CPED1: variants seen among roughly 807,000 people sequenced by gnomAD.
The protein encoded by CPED1 is cadherin-like and PC-esterase domain-containing protein 1.
In CPED1, 114 loss-of-function variants were observed where a neutral mutation model predicts 128.2. The observed-to-expected ratio is 0.89, with a 90% CI of 0.76 to 1.04. CPED1 has a LOEUF of 1.04. Among genes scored for constraint, CPED1 ranks in the 50% least tolerant of loss-of-function variants. The pLI is 0.00. For missense variants in CPED1, 1,211 were observed against 1,207.1 expected (o/e 1.00, Z -0.05); for synonymous variants, 462 against 426.7 (o/e 1.08, Z -1.02).
At chr7:121,146,642 A>T (rs988721535) in intron 16 of CPED1, among the ~76,000 whole-genome samples, 1 of 152,306 alleles carries the variant, frequency 6.6e-6, no homozygotes, top group East Asian at 1.9e-4. Flanking sequence ...TAACATTTTG[A>T]TAAATAGTAA....
intron 7 of CPED1, among the ~76,000 whole-genome samples, chr7:121,103,389 G>A (rs1584513612): frequency 6.6e-6 from 1 of 152,268 alleles, no homozygotes. Flanking sequence ...TCAAAGTTAC[G>A]CTTGATGATA....
intron 7 of CPED1, among the ~76,000 whole-genome samples, chr7:121,110,211 A>G (rs987166108): frequency 6.6e-6 from 1 of 152,118 alleles, no homozygotes; most frequent in Admixed American, 6.6e-5. Flanking sequence ...TGCTACAAGT[A>G]TTTACCGGCT....
intron 5 of CPED1, among the ~76,000 whole-genome samples, chr7:121,069,933 C>T (rs17143137): frequency 1.3e-5 from 2 of 151,914 alleles, no homozygotes; most frequent in Non-Finnish European, 2.9e-5. Context: ...CTCATTCATT[C>T]CAGTAGTTTT....
rs116437871 is a variant in CPED1 at position 121,294,487 on chromosome 7, A to T, written c.2869-953A>T. Reference sequence around the variant, plus strand: ...TCCGTTTTCTTAGAAAGAAACATTTAAAAGGGACTTACAAACAGATGCCAT... The same window carrying T: ...TCCGTTTTCTTAGAAAGAAACATTTTAAAGGGACTTACAAACAGATGCCAT... On this transcript the variant is annotated intron_variant, in intron 22 of 22. Coordinates refer to ENST00000310396, the MANE Select transcript of CPED1 (RefSeq NM_024913.5). 3.5e-3 allele frequency among the ~76,000 whole-genome samples: 540 copies of T among 152,310 alleles called. 4 individuals carry two copies. Among genetic ancestry groups the T allele is most frequent in the African/African-American group, 0.013 (525 of 41,572 alleles).
intron 4 of CPED1, chr7:121,061,097 G>C (rs567905664): frequency 3.6e-5 from 6 of 165,886 alleles, no homozygotes; most frequent in Non-Finnish European, 7.4e-5. Flanking sequence ...GGCAAACTCC[G>C]GACACGCCGC....
intron 16 of CPED1, among the ~76,000 whole-genome samples, chr7:121,196,701 A>C (rs1797281720): frequency 6.6e-6 from 1 of 152,144 alleles, no homozygotes; most frequent in Admixed American, 6.6e-5. Flanking sequence ...TTATAAATGC[A>C]CATTGATTTT....
At chr7:121,142,357 T>C (rs1399921315) in intron 16 of CPED1, among the ~76,000 whole-genome samples, 2 of 152,018 alleles carry the variant, frequency 1.3e-5, no homozygotes, top group East Asian at 3.9e-4. Context: ...GTGCTCATTG[T>C]TTTCAGTGGA....
chr7:121,208,393 G>T (rs751386313), intron 16 of CPED1, among the ~76,000 whole-genome samples: 66 of 151,964 alleles, frequency 4.3e-4, no homozygotes, highest in Admixed American at 1.8e-3. Flanking sequence ...GATGTGATTA[G>T]TGGCACAAAG....
chr7:120,995,853 G>T (rs535374707), intron 2 of CPED1, among the ~76,000 whole-genome samples: 34 of 151,896 alleles, frequency 2.2e-4, no homozygotes, highest in Non-Finnish European at 3.7e-4. Context: ...ACATTCTTCA[G>T]TTTTTTTTAT....
rs2525740 is a variant in CPED1 at position 120,989,427 on chromosome 7, T to C, written c.-195T>C. ...TTGACTGTCATCCATGGAAGAGCTCTTATTAAAAGCCTCAGACTTTCGGGA... is the reference window on the plus strand; with the variant it reads ...TTGACTGTCATCCATGGAAGAGCTCCTATTAAAAGCCTCAGACTTTCGGGA... On this transcript the variant is annotated 5_prime_UTR_variant, in exon 2 of 23. Transcript: ENST00000310396. 0.2 allele frequency: 122,128 copies of C among 611,352 alleles called. 13,333 individuals carry two copies. The highest frequency in any genetic ancestry group is 0.24 in the African/African-American group (13,080 of 53,984). 37.9% of individuals were successfully genotyped at this position (611,352 alleles called of 1,614,324 possible). A position where few individuals can be genotyped will look rare whatever the true frequency, so the allele number is the denominator to read the frequency against.
intron 18 of CPED1, among the ~76,000 whole-genome samples, chr7:121,254,617 A>G (rs1391585110): frequency 6.6e-6 from 1 of 152,048 alleles, no homozygotes; most frequent in Non-Finnish European, 1.5e-5. Context: ...CAGTGAAAAC[A>G]GAAGTCGGTT....
At chr7:121,119,613 C>T (rs1584525596) in intron 7 of CPED1, among the ~76,000 whole-genome samples, 1 of 151,154 alleles carries the variant, frequency 6.6e-6, no homozygotes, top group South Asian at 2.1e-4. Context: ...ATCACGAGGT[C>T]AGGAGATCGA....
At chr7:121,043,681 A>C (rs1793116969) in intron 3 of CPED1, among the ~76,000 whole-genome samples, 1 of 152,102 alleles carries the variant, frequency 6.6e-6, no homozygotes, top group African/African-American at 2.4e-5. Flanking sequence ...AGACCATGGC[A>C]AACTGGAGAA....
At chr7:121,284,150 G>A (rs1197944140) in intron 22 of CPED1, among the ~76,000 whole-genome samples, 2 of 152,114 alleles carry the variant, frequency 1.3e-5, no homozygotes, top group African/African-American at 2.4e-5. Flanking sequence ...TTTACATGGC[G>A]GCTGCAAAGA....
In CPED1 at chr7:121,097,591, G is replaced by T. The variant is rs529286250; in HGVS notation, c.617-108G>T. 110 of 1,211,320 alleles carry T rather than the reference G, an allele frequency of 9.1e-5. 1 individual carries two copies. In the South Asian group the frequency reaches 1.5e-3, roughly 16 times the overall value. The allele number at this position is 1,211,320 out of a possible 1,614,324, so 75.0% of individuals were successfully genotyped here. A position where few individuals can be genotyped will look rare whatever the true frequency, so the allele number is the denominator to read the frequency against. On this transcript the variant is annotated intron_variant, in intron 5 of 22. Transcript: ENST00000310396. The stretch of plus-strand genomic sequence containing the variant: ...ATTCAGAATGGGGAGAAAAATGGTT[G>T]CATATTTCTCATGTACCCTGCAGTT...
Position 121,236,843 on chromosome 7 carries a change from A to G in CPED1, c.2173+12A>G. The G allele has an allele frequency of 7.4e-7, 1 of 1,342,814 alleles. No individual in the cohort carries two copies. The highest frequency in any genetic ancestry group is 1.2e-5 in the South Asian group (1 of 81,006). The allele number at this position is 1,342,814 out of a possible 1,614,324, so 83.2% of individuals were successfully genotyped here. A position where few individuals can be genotyped will look rare whatever the true frequency, so the allele number is the denominator to read the frequency against. On this transcript the variant is annotated intron_variant, in intron 17 of 22. Coordinates refer to ENST00000310396, the MANE Select transcript of CPED1 (RefSeq NM_024913.5). ...TGGGGACATGAAAGGTGACTATCACATTGGATATCACTTCTCTAAAAAAAG... is the reference window on the plus strand; with the variant it reads ...TGGGGACATGAAAGGTGACTATCACGTTGGATATCACTTCTCTAAAAAAAG...
intron 4 of CPED1, among the ~76,000 whole-genome samples, chr7:121,060,399 C>G (rs1793628118): frequency 6.6e-6 from 1 of 152,258 alleles, no homozygotes; most frequent in East Asian, 1.9e-4. Flanking sequence ...CAGCTGAGCT[C>G]CTGAGTCTGG....
chr7:121,005,691 C>T (rs187400942), intron 2 of CPED1, among the ~76,000 whole-genome samples: 317 of 152,054 alleles, frequency 2.1e-3, no homozygotes, highest in Middle Eastern at 6.8e-3. Flanking sequence ...CTGTTATTCC[C>T]CATTTAAAAA....
chr7:121,198,252 C>G (rs1797313626), intron 16 of CPED1, among the ~76,000 whole-genome samples: 1 of 152,080 alleles, frequency 6.6e-6, no homozygotes, highest in African/African-American at 2.4e-5. Flanking sequence ...ACCAAACTGA[C>G]AAAATAAGAA....
Sources: allele counts gnomAD v4.1 joint callset (sites outside exome capture counted in the v4.1 genomes callset), GRCh38; gene constraint gnomAD v4.1.1; transcripts MANE v1.5; gene names NCBI Gene and HGNC (gene_info 2026-07-23, HGNC 2026-07-21).